Variants in ARHGAP19 observed in about 807,000 individuals in gnomAD.
The protein encoded by ARHGAP19 is Rho GTPase activating protein 19.
A neutral mutation model predicts 60.9 loss-of-function variants in ARHGAP19; 48 were observed. The observed-to-expected ratio is 0.79, with a 90% CI of 0.62 to 1.00. The LOEUF is 1.00. Ranked by LOEUF, ARHGAP19 falls within the 50% of genes least tolerant of loss-of-function variation. The pLI, the probability that ARHGAP19 is intolerant of heterozygous loss-of-function variation, is 0.00. For synonymous variants in ARHGAP19, 209 were observed against 215.5 expected, an observed-to-expected ratio of 0.97 and a Z score of 0.27; for missense variants, 562 against 597.2, an observed-to-expected ratio of 0.94 and a Z score of 0.61.
chr10:97,274,455 A>C (rs1384142915), intron 1 of ARHGAP19, among the ~76,000 whole-genome samples: 1 of 147,526 alleles, frequency 6.8e-6, no homozygotes, highest in African/African-American at 2.6e-5. Context: ...ACAGAGCAAG[A>C]CTCCATCTTA....
Position 97,229,829 on chromosome 10 carries a change from T to C in ARHGAP19, c.1330A>G (p.Asn444Asp). Residue 444 changes from asparagine (N) to aspartate (D), a missense_variant, in exon 10 of 12, where the codon AAC becomes GAC. Coordinates refer to ENST00000358531, the MANE Select transcript of ARHGAP19 (RefSeq NM_032900.6). Reference sequence around the variant, plus strand: ...ATGGCCACAGATTCTGGAGTAGGGTTCTTCTTTTTCTTTTCTGACATCATC... The same window carrying C: ...ATGGCCACAGATTCTGGAGTAGGGTCCTTCTTTTTCTTTTCTGACATCATC... ...NQMMSEKKKK[N>D]PTPESVAIGE... The C allele has an allele frequency of 6.2e-7, 1 of 1,613,022 alleles. No homozygotes were observed.
chr10:97,250,529 G>C (rs1011204460), intron 6 of ARHGAP19, among the ~76,000 whole-genome samples: 1 of 151,438 alleles, frequency 6.6e-6, no homozygotes, highest in Non-Finnish European at 1.5e-5. Flanking sequence ...GACTACAGGC[G>C]CCCACCACCA....
intron 1 of ARHGAP19, among the ~76,000 whole-genome samples, chr10:97,290,024 C>G (rs1160358910): frequency 6.6e-6 from 1 of 151,948 alleles, no homozygotes; most frequent in African/African-American, 2.4e-5. Flanking sequence ...TCAATCACCT[C>G]TACAGTTCCC....
intron 8 of ARHGAP19, among the ~76,000 whole-genome samples, chr10:97,243,517 T>C (rs1284456513): frequency 6.6e-6 from 1 of 152,220 alleles, no homozygotes; most frequent in African/African-American, 2.4e-5. Context: ...ACAACTCTGT[T>C]AGTAAAAAGT....
chr10:97,228,676 A>G (rs1176299838), intron 11 of ARHGAP19, among the ~76,000 whole-genome samples: 1 of 152,104 alleles, frequency 6.6e-6, no homozygotes, highest in Non-Finnish European at 1.5e-5. Context: ...CTTTGTCCTA[A>G]ATAGCCCCCA....
intron 6 of ARHGAP19, among the ~76,000 whole-genome samples, chr10:97,251,161 G>GA (rs1842641021): frequency 9.7e-6 from 1 of 103,200 alleles, no homozygotes; most frequent in Non-Finnish European, 1.9e-5. Flanking sequence ...AAGCCAAGGG[G>GA]AAGGGAAGGG....
Position 97,245,595 on chromosome 10 carries a change from C to CAAAAAA in ARHGAP19, c.993+671_993+676dup, listed in dbSNP as rs397845381. ...TACCCAACAGAGCGAAACCCTATCT[C>CAAAAAA]AAAAAAAAAAAAAAAAAAAAAATCA... On this transcript the variant is annotated intron_variant, in intron 7 of 11. Transcript: ENST00000358531. 6.2e-5 allele frequency among the ~76,000 whole-genome samples: 7 copies of CAAAAAA among 112,344 alleles called. No homozygotes were observed. The Admixed American group carries it at 6.6e-4, about 11-fold the overall frequency. 73.7% of individuals were successfully genotyped at this position (112,344 alleles called of 152,430 possible).
rs368606074 is a variant in ARHGAP19 at position 97,264,917 on chromosome 10, A to G, written c.323-11T>C. On this transcript the variant is annotated splice_polypyrimidine_tract_variant and intron_variant, in intron 2 of 11. Coordinates refer to ENST00000358531, the MANE Select transcript of ARHGAP19 (RefSeq NM_032900.6). Reference sequence around the variant, plus strand: ...ATATCACTCCTTTTTCTGAAAAACCATATGATATGACAGGGCTATATTTCA... The same window carrying G: ...ATATCACTCCTTTTTCTGAAAAACCGTATGATATGACAGGGCTATATTTCA... The G allele has an allele frequency of 5.6e-6, 9 of 1,602,214 alleles. No individual in the cohort carries two copies. In the Admixed American group the frequency reaches 6.7e-5, roughly 12 times the overall value.
intron 8 of ARHGAP19, among the ~76,000 whole-genome samples, chr10:97,242,966 T>C (rs753181283): frequency 6.6e-6 from 1 of 152,208 alleles, no homozygotes; most frequent in Non-Finnish European, 1.5e-5. Context: ...AGTGTTCTTG[T>C]TGAAAGAAGT....
chr10:97,282,033 G>A (rs1035687445), intron 1 of ARHGAP19, among the ~76,000 whole-genome samples: 7 of 152,248 alleles, frequency 4.6e-5, no homozygotes, highest in South Asian at 4.1e-4. Context: ...TTCCCAATAC[G>A]TATTTTCCCC....
intron 8 of ARHGAP19, among the ~76,000 whole-genome samples, chr10:97,241,052 G>A (rs1842471439): frequency 6.6e-6 from 1 of 152,222 alleles, no homozygotes; most frequent in African/African-American, 2.4e-5. Flanking sequence ...TGGGTGCGGT[G>A]GCTCACGCCT....
chr10:97,235,433 T>A, intron 8 of ARHGAP19, 118 bp from the exon 9 acceptor site: 1 of 837,326 alleles, frequency 1.2e-6, no homozygotes, highest in Non-Finnish European at 1.8e-6. Context: ...TGCGCATAGA[T>A]GGATTAGGAG....
chr10:97,290,140 C>T (rs1217588167), intron 1 of ARHGAP19, among the ~76,000 whole-genome samples: 2 of 152,142 alleles, frequency 1.3e-5, no homozygotes, highest in Admixed American at 6.6e-5. Flanking sequence ...TCTGTTTTCA[C>T]TCTATTTCAC....
At chr10:97,285,800 G>A (rs541124758) in intron 1 of ARHGAP19, among the ~76,000 whole-genome samples, 11 of 152,272 alleles carry the variant, frequency 7.2e-5, no homozygotes, top group African/African-American at 2.2e-4. Context: ...GATTACAGGC[G>A]TGAGCCACCA....
At chr10:97,251,365 AGGAAGGGGAAT>A (rs1842654089) in intron 6 of ARHGAP19, among the ~76,000 whole-genome samples, 1 of 5,500 alleles carries the variant, frequency 1.8e-4, no homozygotes, top group African/African-American at 7.0e-4. Context: ...GAAAGGGGAA[AGGAAGGGGAAT>A]GGAAGGGAAG....
chr10:97,226,307 T>C (rs1353262695), intron 11 of ARHGAP19, among the ~76,000 whole-genome samples, 175 bp from the exon 12 acceptor site: 2 of 152,236 alleles, frequency 1.3e-5, no homozygotes, highest in Non-Finnish European at 1.5e-5. Flanking sequence ...TATAATCTCG[T>C]TCATTAAATC....
chr10:97,281,042 G>A (rs1324391783), intron 1 of ARHGAP19, among the ~76,000 whole-genome samples: 13 of 152,026 alleles, frequency 8.6e-5, no homozygotes, highest in Non-Finnish European at 1.8e-4. Flanking sequence ...TTTTTGTTCT[G>A]GCACATGACT....
chr10:97,290,042 A>C (rs545562727), intron 1 of ARHGAP19, among the ~76,000 whole-genome samples: 56 of 152,238 alleles, frequency 3.7e-4, no homozygotes, highest in Admixed American at 1.4e-3. Context: ...CCCGGGCAAA[A>C]AAAAAAAATG....
chr10:97,248,179 C>A (rs1842590282), intron 6 of ARHGAP19, among the ~76,000 whole-genome samples: 1 of 151,982 alleles, frequency 6.6e-6, no homozygotes, highest in Admixed American at 6.6e-5. Flanking sequence ...CTTTGGGAGG[C>A]CAAAGCGGGT....
Sources: allele counts gnomAD v4.1 joint callset (sites outside exome capture counted in the v4.1 genomes callset), GRCh38; gene constraint gnomAD v4.1.1; transcripts MANE v1.5; gene names NCBI Gene and HGNC (gene_info 2026-07-23, HGNC 2026-07-21).